The following AOX1 variants were observed in gnomAD, a reference collection of about 807,000 sequenced individuals.
AOX1 encodes aldehyde oxidase.
In AOX1, 153 loss-of-function variants were observed where a neutral mutation model predicts 169.5. The observed-to-expected ratio is 0.90, with a 90% CI of 0.79 to 1.03. The LOEUF is 1.03. Among genes scored for constraint, AOX1 ranks in the 50% least tolerant of loss-of-function variants. AOX1 has a pLI of 0.00. For synonymous variants in AOX1, 562 were observed against 581.9 expected (o/e 0.97, Z 0.49); for missense variants, 1,656 against 1,663.9 (o/e 1.00, Z 0.08).
intron 18 of AOX1, among the ~76,000 whole-genome samples, chr2:200,621,893 C>T (rs1056890453): frequency 2.6e-5 from 4 of 152,100 alleles, no homozygotes; most frequent in Admixed American, 2.0e-4. Context: ...GCTGGGATTA[C>T]AGGCACAAAT....
chr2:200,682,146 C>G, the AOX1 span, among the ~76,000 whole-genome samples: 1 of 152,124 alleles, frequency 6.6e-6, no homozygotes, highest in Admixed American at 6.5e-5. Context: ...GCATTCTATC[C>G]TGTCAAGATA....
At position 200,639,036 on chromosome 2, in the gene AOX1, A is replaced by C. The variant is rs1156794297; in HGVS notation, c.2568+734A>C. On this transcript the variant is annotated intron_variant, in intron 23 of 34. Transcript: ENST00000374700. ...ATCATCCAATATAGTGGTCACTAGG[A>C]GCATATGGCTATTTAAATTTAAATT... Among the ~76,000 whole-genome samples the C allele has an allele frequency of 1.6e-4, 24 of 152,192 alleles. 1 individual carries two copies. The highest frequency in any genetic ancestry group is 1.6e-3 in the Admixed American group (24 of 15,278).
chr2:200,610,479 CA>C (rs1173817725), intron 12 of AOX1, among the ~76,000 whole-genome samples: 1 of 152,206 alleles, frequency 6.6e-6, no homozygotes, highest in Non-Finnish European at 1.5e-5. Flanking sequence ...ATATAGACAT[CA>C]AAAGCTTCTT....
chr2:200,656,336 C>G (rs1205514072), intron 26 of AOX1, among the ~76,000 whole-genome samples: 1 of 152,172 alleles, frequency 6.6e-6, no homozygotes, highest in East Asian at 1.9e-4. Context: ...AGCTTAGAGA[C>G]TGGATGTTTC....
rs56916091 is a variant in AOX1 at position 200,659,786 on chromosome 2, T to TCACACACA, written c.3301-177_3301-170dup. Among the ~76,000 whole-genome samples, 380 of 96,202 alleles carry TCACACACA rather than the reference T, an allele frequency of 4.0e-3. 2 individuals carry two copies. The highest frequency in any genetic ancestry group is 8.8e-3 in the South Asian group (26 of 2,956). The allele number at this position is 96,202 out of a possible 152,430, so 63.1% of individuals were successfully genotyped here. ...TGGCTTACAAGGCCAGTTCTCTCTCTCACACACACACACACACACACACAC... is the reference window on the plus strand; with the variant it reads ...TGGCTTACAAGGCCAGTTCTCTCTCTCACACACACACACACACACACACACACACACAC... On this transcript the variant is annotated intron_variant, in intron 28 of 34. Coordinates refer to ENST00000374700, the MANE Select transcript of AOX1 (RefSeq NM_001159.4).
chr2:200,656,723 C>A, intron 26 of AOX1, 119 bp from the exon 27 acceptor site: 1 of 612,588 alleles, frequency 1.6e-6, no homozygotes. Context: ...AAATGTTGCT[C>A]CACCCTGGGG....
rs761352819 is a variant in AOX1 at position 200,599,620 on chromosome 2, G to A, written c.310G>A (p.Glu104Lys). The A allele has an allele frequency of 6.2e-7, 1 of 1,608,596 alleles. No homozygotes were observed. The highest frequency in any genetic ancestry group is 8.5e-7 in the Non-Finnish European group (1 of 1,177,636). Residue 104 changes from glutamate to lysine, a missense_variant and splice_region_variant, in exon 5 of 35, where the codon GAG becomes AAG. Transcript: ENST00000374700. Reference sequence around the variant, plus strand: ...ATTTCTAACCTTTCTGTGCTTCCAGGAGAGGATTGCCAAGTGTCATGGCAC... The same window carrying A: ...ATTTCTAACCTTTCTGTGCTTCCAGAAGAGGATTGCCAAGTGTCATGGCAC... ...STHTRIHPVQERIAKCHGTQC... is the reference protein window; with the variant it reads ...STHTRIHPVQKRIAKCHGTQC...
chr2:200,599,807 C>A lies in AOX1; in HGVS notation c.436+61C>A, dbSNP rs144809932. On this transcript the variant is annotated intron_variant, in intron 5 of 34. Coordinates refer to ENST00000374700, the MANE Select transcript of AOX1 (RefSeq NM_001159.4). ...TTATTTATTTATTTATTTTTTGAGA[C>A]GGAATCTCACTCTGTTGCCCGGGCT... 1.8e-3 allele frequency: 2,285 copies of A among 1,268,202 alleles called. 41 individuals carry two copies. The African/African-American group carries it at 0.031, about 17-fold the overall frequency. The allele number at this position is 1,268,202 out of a possible 1,614,324, so 78.6% of individuals were successfully genotyped here. A position where few individuals can be genotyped will look rare whatever the true frequency, so the allele number is the denominator to read the frequency against.
chr2:200,620,670 T>A lies in AOX1; in HGVS notation c.1725T>A (p.His575Gln), dbSNP rs1217339529. 25 of 1,557,510 alleles carry A rather than the reference T, an allele frequency of 1.6e-5. No homozygotes were observed. Among genetic ancestry groups the A allele is most frequent in the Non-Finnish European group, 2.2e-5 (25 of 1,162,104 alleles). ...LKYQNIGPKQ[H>Q]PEDPIGHPIM... ...AACAGAATATAGGCCCAAAGCAGCA[T>A]CCTGAAGACCCAATTGGCCACCCCA... The change falls in exon 17 of 35, where the codon CAT (histidine) becomes CAA (glutamine). Residue 575 changes from histidine (H) to glutamine (Q), a missense_variant. His to Gln is a conservative substitution (Grantham distance 24). Transcript: ENST00000374700.
chr2:200,647,881 G>T (rs921615199), intron 25 of AOX1, among the ~76,000 whole-genome samples: 3 of 152,198 alleles, frequency 2.0e-5, no homozygotes, highest in Non-Finnish European at 4.4e-5. Flanking sequence ...TTCTACTACT[G>T]AGACTTTCCA....
Position 200,637,040 on chromosome 2 carries a change from A to G in AOX1, c.2476A>G (p.Asn826Asp). Residue 826 changes from asparagine (N) to aspartate (D), a missense_variant, in exon 22 of 35, where the codon AAC becomes GAC. Physicochemically the swap from Asn to Asp is conservative, Grantham distance 23. Transcript: ENST00000374700. ...IIAAVTAFAA[N>D]KHGRAVRCVL... ...TGCAGCCGTCACTGCATTTGCCGCAAACAAGTAAGTGGAGAAAATCTGCTA... is the reference window on the plus strand; with the variant it reads ...TGCAGCCGTCACTGCATTTGCCGCAGACAAGTAAGTGGAGAAAATCTGCTA... 6.2e-7 allele frequency: 1 copy of G among 1,614,012 alleles called. No individual in the cohort carries two copies. The highest frequency in any genetic ancestry group is 8.5e-7 in the Non-Finnish European group (1 of 1,179,956).
At chr2:200,655,519 T>C (rs1242331303) in intron 26 of AOX1, among the ~76,000 whole-genome samples, 1 of 152,228 alleles carries the variant, frequency 6.6e-6, no homozygotes, top group Non-Finnish European at 1.5e-5. Context: ...TCATGGCTAC[T>C]ATGCCTTCCT....
downstream of AOX1, among the ~76,000 whole-genome samples, chr2:200,679,831 T>C (rs552725855): frequency 1.4e-4 from 22 of 152,288 alleles, no homozygotes; most frequent in African/African-American, 5.3e-4. Context: ...CCTGTAATCC[T>C]GGCACTTTGG....
At chr2:200,608,316 G>A (rs140223069) in intron 10 of AOX1, among the ~76,000 whole-genome samples, 1 of 152,262 alleles carries the variant, frequency 6.6e-6, no homozygotes, top group East Asian at 1.9e-4. Flanking sequence ...TTCAATGAAG[G>A]ATACGGTGCT....
chr2:200,640,427 A>G (rs887839097), intron 23 of AOX1, among the ~76,000 whole-genome samples: 2 of 152,204 alleles, frequency 1.3e-5, no homozygotes, highest in Non-Finnish European at 2.9e-5. Flanking sequence ...GCATTCAGAC[A>G]TGAAGCACAT....
intron 16 of AOX1, 66 bp downstream of exon 16, chr2:200,616,129 C>A: frequency 8.8e-7 from 1 of 1,142,598 alleles, no homozygotes; most frequent in Non-Finnish European, 1.3e-6. Context: ...CTGGACATTC[C>A]CACTGTCTCT....
intron 30 of AOX1, among the ~76,000 whole-genome samples, chr2:200,662,035 T>C (rs1306054553): frequency 6.6e-6 from 1 of 152,188 alleles, no homozygotes; most frequent in South Asian, 2.1e-4. Flanking sequence ...CCTTCAGGAT[T>C]GGCAAAAAAG....
chr2:200,637,363 A>G (rs924400924), intron 22 of AOX1, among the ~76,000 whole-genome samples: 2 of 152,218 alleles, frequency 1.3e-5, no homozygotes, highest in Non-Finnish European at 2.9e-5. Flanking sequence ...GAGGTCATAT[A>G]TATGGCTTTT....
intron 27 of AOX1, among the ~76,000 whole-genome samples, chr2:200,657,701 T>G (rs188542833): frequency 6.6e-6 from 1 of 152,218 alleles, no homozygotes; most frequent in South Asian, 2.1e-4. Context: ...AGTCAAACTT[T>G]ATCTGTTTGC....
Sources: allele counts gnomAD v4.1 joint callset (sites outside exome capture counted in the v4.1 genomes callset), GRCh38; gene constraint gnomAD v4.1.1; transcripts MANE v1.5; gene names NCBI Gene and HGNC (gene_info 2026-07-23, HGNC 2026-07-21).